Variants in PRKN observed in about 807,000 individuals in gnomAD.
PRKN encodes E3 ubiquitin-protein ligase parkin.
A neutral mutation model predicts 59.5 loss-of-function variants in PRKN; 56 were observed. The observed-to-expected ratio is 0.94, with a 90% CI of 0.76 to 1.18. The LOEUF (loss-of-function observed/expected upper bound fraction) is 1.18, where lower values mean the gene tolerates loss of function less well. PRKN is among the 50% of genes most tolerant of loss of function. The pLI, the probability that PRKN is intolerant of heterozygous loss-of-function variation, is 0.00. For synonymous variants in PRKN, 250 were observed against 222.1 expected, an observed-to-expected ratio of 1.13 and a Z score of -1.12; for missense variants, 657 against 596.4, an observed-to-expected ratio of 1.10 and a Z score of -1.06.
chr6:161,387,084 G>A (rs1227063544), intron 9 of PRKN, among the ~76,000 whole-genome samples: 1 of 152,110 alleles, frequency 6.6e-6, no homozygotes, highest in East Asian at 1.9e-4. Flanking sequence ...CACCATAGCA[G>A]GGCTACAGAG....
chr6:162,625,281 C>T (rs1782838633), intron 1 of PRKN, among the ~76,000 whole-genome samples: 1 of 152,160 alleles, frequency 6.6e-6, no homozygotes, highest in African/African-American at 2.4e-5. Context: ...TCAGACAATC[C>T]TCACTGATAC....
intron 1 of PRKN, among the ~76,000 whole-genome samples, chr6:162,600,247 A>T (rs145143137): frequency 6.6e-6 from 1 of 152,270 alleles, no homozygotes; most frequent in Admixed American, 6.5e-5. Context: ...ACTCGTGTTC[A>T]GTTCCTTTCA....
At chr6:162,402,737 C>A (rs567877662) in intron 2 of PRKN, among the ~76,000 whole-genome samples, 1 of 151,650 alleles carries the variant, frequency 6.6e-6, no homozygotes, top group Non-Finnish European at 1.5e-5. Flanking sequence ...CTCACCGAAG[C>A]CTGAAGCCTC....
chr6:161,671,372 C>T (rs577407478), intron 7 of PRKN, among the ~76,000 whole-genome samples: 4 of 152,230 alleles, frequency 2.6e-5, no homozygotes, highest in African/African-American at 7.2e-5. Context: ...CGGGCTCAGA[C>T]CCCCCACTGC....
chr6:161,504,355 C>T (rs1311975901), intron 9 of PRKN, among the ~76,000 whole-genome samples: 1 of 152,168 alleles, frequency 6.6e-6, no homozygotes, highest in African/African-American at 2.4e-5. Context: ...CTTTTCCCAA[C>T]CCTGAGCGTC....
chr6:162,364,476 C>A (rs1785313076), intron 2 of PRKN, among the ~76,000 whole-genome samples: 1 of 152,004 alleles, frequency 6.6e-6, no homozygotes, highest in African/African-American at 2.4e-5. Flanking sequence ...CAAATAAAAA[C>A]ATAAAATAAA....
At chr6:161,642,849 A>T (rs979488840) in intron 7 of PRKN, among the ~76,000 whole-genome samples, 6 of 152,180 alleles carry the variant, frequency 3.9e-5, no homozygotes, top group Non-Finnish European at 7.4e-5. Flanking sequence ...TATTATTTTT[A>T]AAAACATTTA....
chr6:162,339,197 G>A (rs2128127374), intron 2 of PRKN, among the ~76,000 whole-genome samples: 1 of 151,290 alleles, frequency 6.6e-6, no homozygotes, highest in East Asian at 2.0e-4. Context: ...TCTGGGAAGT[G>A]AGGAGCGTCT....
chr6:161,845,070 T>C (rs1177541643), intron 6 of PRKN, among the ~76,000 whole-genome samples: 2 of 152,182 alleles, frequency 1.3e-5, no homozygotes, highest in African/African-American at 2.4e-5. Flanking sequence ...ACCATAAGAT[T>C]AATAAGTGGT....
chr6:162,183,216 A>T lies in PRKN; in HGVS notation c.534+17915T>A, dbSNP rs542323090. ...CCACATGCATTGGAAGGTGGCTGCT[A>T]TTCAGATAGGGAAGATGTAAGAGGA... On this transcript the variant is annotated intron_variant, in intron 4 of 11. Coordinates refer to ENST00000366898, the MANE Select transcript of PRKN (RefSeq NM_004562.3). Among the ~76,000 whole-genome samples, 7 of 152,252 alleles carry T rather than the reference A, an allele frequency of 4.6e-5. No individual in the cohort carries two copies. In the East Asian group the frequency reaches 1.4e-3, roughly 29 times the overall value.
intron 5 of PRKN, among the ~76,000 whole-genome samples, chr6:162,031,615 A>G (rs1327768254): frequency 6.7e-6 from 1 of 149,194 alleles, no homozygotes; most frequent in East Asian, 2.0e-4. Context: ...AGCTCACTGT[A>G]ACCTCCACCT....
chr6:162,297,740 T>G (rs919257377), intron 2 of PRKN, among the ~76,000 whole-genome samples: 1 of 152,058 alleles, frequency 6.6e-6, no homozygotes, highest in African/African-American at 2.4e-5. Flanking sequence ...AGACAAAGAA[T>G]AAATTTCCTT....
At chr6:162,427,330 G>A (rs1789284535) in intron 2 of PRKN, among the ~76,000 whole-genome samples, 1 of 152,146 alleles carries the variant, frequency 6.6e-6, no homozygotes, top group South Asian at 2.1e-4. Context: ...TTGGTCTAGA[G>A]AAAGTCTTAT....
At chr6:162,596,600 C>T (rs890731140) in intron 1 of PRKN, among the ~76,000 whole-genome samples, 1 of 152,120 alleles carries the variant, frequency 6.6e-6, no homozygotes, top group African/African-American at 2.4e-5. Context: ...AGCATATGAT[C>T]AATGTTCCTG....
chr6:161,555,366 C>T (rs150878314), intron 8 of PRKN, among the ~76,000 whole-genome samples: 51 of 152,218 alleles, frequency 3.4e-4, no homozygotes, highest in African/African-American at 9.4e-4. Context: ...TAGCCCTGTA[C>T]GGGACTGAAC....
rs562937084 is a variant in PRKN at position 161,378,367 on chromosome 6, C to T, written c.1167+8427G>A. On this transcript the variant is annotated intron_variant, in intron 10 of 11. Transcript: ENST00000366898. This position sits in a 1 kb window ranked among gnomAD's most constrained non-coding sequence, Gnocchi z 7.3. ...CCAGGCCCCCCAGCTCGGGCATCCC[C>T]CCATCTGCCACACCGCCAACATTCA... 1.3e-5 allele frequency among the ~76,000 whole-genome samples: 2 copies of T among 152,296 alleles called. No individual in the cohort carries two copies. The highest frequency in any genetic ancestry group is 1.3e-4 in the Admixed American group (2 of 15,304).
chr6:161,599,934 T>C (rs754710655), intron 7 of PRKN, among the ~76,000 whole-genome samples: 6 of 152,236 alleles, frequency 3.9e-5, no homozygotes, highest in Non-Finnish European at 7.3e-5. Context: ...ACTGGGTGTC[T>C]ATGATGACAA....
intron 2 of PRKN, among the ~76,000 whole-genome samples, chr6:162,304,585 G>GTCTA (rs1362003459): frequency 6.7e-6 from 1 of 149,222 alleles, no homozygotes; most frequent in Non-Finnish European, 1.5e-5. Flanking sequence ...CCATCTACCT[G>GTCTA]TCTATCTATC....
At chr6:162,584,074 G>A (rs1277842970) in intron 1 of PRKN, among the ~76,000 whole-genome samples, 6 of 152,074 alleles carry the variant, frequency 3.9e-5, no homozygotes, top group East Asian at 1.9e-4. Context: ...TTAGCCGGGC[G>A]TGGTGGCAGA....
Sources: gnomAD v4.1 joint callset for allele counts (sites outside exome capture counted in the v4.1 genomes callset) on GRCh38, gnomAD v4.1.1 for gene constraint, Gnocchi (gnomAD v3.1) non-coding constraint, MANE v1.5 for transcripts, NCBI Gene and HGNC (gene_info 2026-07-23, HGNC 2026-07-21) for gene names.